Variants in PDE11A observed in about 807,000 individuals in gnomAD.
PDE11A encodes phosphodiesterase 11A, also known as dual 3',5'-cyclic-AMP and -GMP phosphodiesterase 11A.
In PDE11A, 100 loss-of-function variants were observed where a neutral mutation model predicts 100.5. That is an observed-to-expected ratio of 1.00 (90% CI 0.85 to 1.18). The LOEUF (loss-of-function observed/expected upper bound fraction) is 1.18, where lower values mean the gene tolerates loss of function less well. Among genes scored for constraint, PDE11A ranks in the 50% most tolerant of loss-of-function variants. The probability of loss-of-function intolerance (pLI) is 0.00; values close to 1 mark genes in which losing one functional copy is unlikely to be tolerated. For synonymous variants in PDE11A, 381 were observed against 420.8 expected (o/e 0.91, Z 1.16); for missense variants, 1,141 against 1,152.6 (o/e 0.99, Z 0.15).
chr2:177,803,749 G>A (rs1329505713), intron 9 of PDE11A, among the ~76,000 whole-genome samples: 6 of 151,826 alleles, frequency 4.0e-5, no homozygotes, highest in African/African-American at 1.5e-4. Context: ...ATAAAATTCA[G>A]CATCCCTTCA....
At chr2:177,736,981 C>G (rs1481660050) in intron 10 of PDE11A, among the ~76,000 whole-genome samples, 1 of 152,134 alleles carries the variant, frequency 6.6e-6, no homozygotes, top group Non-Finnish European at 1.5e-5. Context: ...TGGCTCACAC[C>G]TGTAATCCCA....
intron 9 of PDE11A, among the ~76,000 whole-genome samples, chr2:177,791,487 T>C (rs993741345): frequency 6.7e-6 from 1 of 149,602 alleles, no homozygotes; most frequent in Non-Finnish European, 1.5e-5. Flanking sequence ...TGTATACATA[T>C]GTAACTAACC....
chr2:178,086,995 T>C (rs2087365913), intron 2 of PDE11A, among the ~76,000 whole-genome samples: 2 of 152,168 alleles, frequency 1.3e-5, no homozygotes, highest in South Asian at 4.1e-4. Flanking sequence ...CACAGCACTA[T>C]TAACAGTAGC....
intron 2 of PDE11A, among the ~76,000 whole-genome samples, chr2:178,089,849 A>G (rs1574392910): frequency 6.6e-6 from 1 of 152,154 alleles, no homozygotes; most frequent in South Asian, 2.1e-4. Context: ...GTTTCTCCCC[A>G]TTTCAAAGCT....
intron 3 of PDE11A, chr2:177,899,421 AAACAAT>A (rs1334215661): frequency 4.7e-5 from 9 of 191,090 alleles, no homozygotes; most frequent in South Asian, 1.4e-4. Flanking sequence ...ACAAACAAAC[AAACAAT>A]AACAACAAAA....
At chr2:177,907,903 A>G (rs2084815770) in intron 2 of PDE11A, among the ~76,000 whole-genome samples, 1 of 152,190 alleles carries the variant, frequency 6.6e-6, no homozygotes, top group Admixed American at 6.5e-5. Flanking sequence ...AACTATTGCT[A>G]TTGTTGTGAG....
chr2:177,775,565 G>A (rs1394720304), intron 9 of PDE11A, among the ~76,000 whole-genome samples: 2 of 152,186 alleles, frequency 1.3e-5, no homozygotes, highest in Non-Finnish European at 2.9e-5. Context: ...GACAGGTCCT[G>A]CACCATCTGA....
chr2:177,641,553 C>A (rs1049429077), intron 19 of PDE11A, among the ~76,000 whole-genome samples: 1 of 152,138 alleles, frequency 6.6e-6, no homozygotes, highest in East Asian at 1.9e-4. Flanking sequence ...AAACAGACTC[C>A]TCCTAAACCT....
At chr2:177,752,846 G>T (rs749931819) in intron 10 of PDE11A, among the ~76,000 whole-genome samples, 2 of 152,184 alleles carry the variant, frequency 1.3e-5, no homozygotes, top group African/African-American at 2.4e-5. Flanking sequence ...TCACTAATTT[G>T]TTAATGCGAG....
At chr2:177,860,139 A>T (rs1008581201) in intron 5 of PDE11A, among the ~76,000 whole-genome samples, 10 of 151,878 alleles carry the variant, frequency 6.6e-5, no homozygotes, top group African/African-American at 2.4e-4. Flanking sequence ...AAACTAGAGA[A>T]CAGAAAACAA....
intron 19 of PDE11A, among the ~76,000 whole-genome samples, chr2:177,657,500 C>T (rs1026048982): frequency 6.6e-6 from 1 of 152,184 alleles, no homozygotes; most frequent in African/African-American, 2.4e-5. Flanking sequence ...AAGAACCAAA[C>T]CTGGCTAAGT....
At chr2:178,078,016 T>G (rs2087229388) in intron 2 of PDE11A, among the ~76,000 whole-genome samples, 1 of 152,090 alleles carries the variant, frequency 6.6e-6, no homozygotes, top group South Asian at 2.1e-4. Flanking sequence ...TTGTTTCAAG[T>G]CACCATGTTT....
intron 9 of PDE11A, among the ~76,000 whole-genome samples, chr2:177,811,173 T>C (rs2082944360): frequency 6.6e-6 from 1 of 152,160 alleles, no homozygotes; most frequent in South Asian, 2.1e-4. Flanking sequence ...CTCTGTATTG[T>C]GGCTTTTAGA....
At chr2:178,090,102 T>C (rs11899905) in intron 2 of PDE11A, among the ~76,000 whole-genome samples, 28,492 of 152,164 alleles carry the variant, frequency 0.19, 2,691 homozygotes, top group South Asian at 0.22. Context: ...CAAATTTCTC[T>C]TGTGACCAGC....
chr2:178,006,940 T>C (rs1036372069), intron 2 of PDE11A, among the ~76,000 whole-genome samples: 1 of 152,202 alleles, frequency 6.6e-6, no homozygotes, highest in Non-Finnish European at 1.5e-5. Flanking sequence ...TTTCTGCCTC[T>C]GTCTTGGCAG....
chr2:177,691,637 T>C (rs968855458), intron 15 of PDE11A, among the ~76,000 whole-genome samples: 1 of 152,172 alleles, frequency 6.6e-6, no homozygotes, highest in Non-Finnish European at 1.5e-5. Context: ...AGCAATTTAC[T>C]GAATCACTCC....
intron 9 of PDE11A, among the ~76,000 whole-genome samples, chr2:177,775,470 T>G (rs1017321109): frequency 7.2e-5 from 11 of 152,170 alleles, no homozygotes; most frequent in Non-Finnish European, 1.6e-4. Context: ...CACTGCACTT[T>G]TGCTGTATTT....
At chr2:177,633,521 CTT>C (rs1201621073) in intron 19 of PDE11A, among the ~76,000 whole-genome samples, 1 of 152,228 alleles carries the variant, frequency 6.6e-6, no homozygotes, top group Non-Finnish European at 1.5e-5. Context: ...CTGTCTCTCT[CTT>C]AACAGTGATA....
At chr2:177,740,140 T>C (rs999794853) in intron 10 of PDE11A, among the ~76,000 whole-genome samples, 2 of 152,348 alleles carry the variant, frequency 1.3e-5, no homozygotes, top group South Asian at 4.1e-4. Context: ...CAGACAAACA[T>C]TTGAATTTTG....
Sources: allele counts gnomAD v4.1 joint callset (sites outside exome capture counted in the v4.1 genomes callset), GRCh38; gene constraint gnomAD v4.1.1; transcripts MANE v1.5; gene names NCBI Gene and HGNC (gene_info 2026-07-23, HGNC 2026-07-21).